The following TRIM67 variants were observed in gnomAD, a reference collection of about 807,000 sequenced individuals.
The protein encoded by TRIM67 is tripartite motif containing 67.
Under a neutral mutation model 71.0 loss-of-function variants are expected in TRIM67, and 39 were observed. The ratio of observed to expected loss-of-function variants is 0.55; its 90% confidence interval spans 0.43 to 0.72. TRIM67 has a LOEUF of 0.72. Ranked by LOEUF, TRIM67 falls within the 30% of genes least tolerant of loss-of-function variation. TRIM67 has a pLI of 0.00. For missense variants in TRIM67, 973 were observed against 1,079.2 expected (o/e 0.90, Z 1.38); for synonymous variants, 481 against 473.9 (o/e 1.01, Z -0.19).
intron 1 of TRIM67, among the ~76,000 whole-genome samples, chr1:231,181,929 G>A (rs1421516829): frequency 6.6e-6 from 1 of 152,188 alleles, no homozygotes; most frequent in African/African-American, 2.4e-5. Flanking sequence ...CATAAGCCTA[G>A]CACTTCTGGA....
chr1:231,213,986 C>T lies in TRIM67; in HGVS notation c.2286+9C>T. 1.9e-6 allele frequency: 3 copies of T among 1,603,106 alleles called. No individual in the cohort carries two copies. Among genetic ancestry groups the T allele is most frequent in the African/African-American group, 2.7e-5 (2 of 74,884 alleles). ...TCAACCGCAACGTGCAGGTACACAC[C>T]TCCCCAGGGCCGGACCTGGTCTGGC... On this transcript the variant is annotated intron_variant, in intron 9 of 9. Transcript: ENST00000366653.
At chr1:231,179,624 C>G (rs1273644616) in intron 1 of TRIM67, among the ~76,000 whole-genome samples, 2 of 152,186 alleles carry the variant, frequency 1.3e-5, no homozygotes, top group African/African-American at 4.8e-5. Flanking sequence ...CTCCCACAAG[C>G]TTAGCATTCC....
At chr1:231,177,058 C>T (rs1326365570) in intron 1 of TRIM67, among the ~76,000 whole-genome samples, 1 of 152,116 alleles carries the variant, frequency 6.6e-6, no homozygotes, top group African/African-American at 2.4e-5. Flanking sequence ...TATGGACTTA[C>T]TTTAAAAGAA....
At position 231,208,379 on chromosome 1, in the gene TRIM67, T is replaced by C. The variant is rs1571901919; in HGVS notation, c.1820-568T>C. On this transcript the variant is annotated intron_variant, in intron 7 of 9. Transcript: ENST00000366653. ...TTAGTAGAGACAGGGTTTCACTGTG[T>C]TAGCCAGGATGGTCTTGATCTCCTG... 2.0e-5 allele frequency among the ~76,000 whole-genome samples: 3 copies of C among 152,216 alleles called. No individual in the cohort carries two copies. The South Asian group carries it at 6.2e-4, about 32-fold the overall frequency.
At position 231,199,140 on chromosome 1, in the gene TRIM67, G is replaced by C. The variant is rs1683453152; in HGVS notation, c.1234G>C (p.Val412Leu). Reference sequence around the variant, plus strand: ...TCAGAAAGCCAAGCTGCTCACCAAGGTGACTAAAGAGAGGGAACACAAGTT... The same window carrying C: ...TCAGAAAGCCAAGCTGCTCACCAAGCTGACTAAAGAGAGGGAACACAAGTT... The part of the protein sequence containing the change: ...TRQKAKLLTK[V>L]TKEREHKLKM... Residue 412 changes from valine (V) to leucine (L), a missense_variant, in exon 3 of 10, where the codon GTG becomes CTG. Val to Leu is a conservative substitution (Grantham distance 32). Coordinates refer to ENST00000366653, the MANE Select transcript of TRIM67 (RefSeq NM_001004342.5). 1 of 1,613,884 alleles carries C rather than the reference G, an allele frequency of 6.2e-7. No individual in the cohort carries two copies. The highest frequency in any genetic ancestry group is 8.5e-7 in the Non-Finnish European group (1 of 1,179,900).
intron 3 of TRIM67, among the ~76,000 whole-genome samples, chr1:231,199,836 A>C (rs1683471706): frequency 6.6e-6 from 1 of 152,244 alleles, no homozygotes; most frequent in Non-Finnish European, 1.5e-5. Flanking sequence ...GTCGGAAGCC[A>C]GCCAAGAAGC....
intron 1 of TRIM67, among the ~76,000 whole-genome samples, chr1:231,192,241 G>A (rs1007797393): frequency 5.9e-5 from 9 of 151,698 alleles, no homozygotes; most frequent in African/African-American, 7.3e-5. Context: ...ACAGGGTCTC[G>A]CCCTGGGCTC....
intron 1 of TRIM67, chr1:231,184,812 T>G: frequency 1.7e-6 from 1 of 589,068 alleles, no homozygotes; most frequent in Non-Finnish European, 3.0e-6. Flanking sequence ...CACACCATCA[T>G]TAAACCTTGA....
intron 1 of TRIM67, chr1:231,185,042 C>T (rs564968391): frequency 1.3e-6 from 2 of 1,532,886 alleles, no homozygotes; most frequent in Non-Finnish European, 1.7e-6. Context: ...AGGGCCTAGG[C>T]TAGTGTGGAG....
chr1:231,201,588 C>T lies in TRIM67; in HGVS notation c.1534+71C>T, dbSNP rs1683525226. 15 of 1,530,994 alleles carry T rather than the reference C, an allele frequency of 9.8e-6. 1 individual carries two copies. Among genetic ancestry groups the T allele is most frequent in the Middle Eastern group, 2.1e-4 (1 of 4,860 alleles). 94.8% of individuals were successfully genotyped at this position (1,530,994 alleles called of 1,614,324 possible). A position where few individuals can be genotyped will look rare whatever the true frequency, so the allele number is the denominator to read the frequency against. On this transcript the variant is annotated intron_variant, in intron 5 of 9. Coordinates refer to ENST00000366653, the MANE Select transcript of TRIM67 (RefSeq NM_001004342.5). ...AGGCATGCAGTCTGAGGGGCCAGCT[C>T]GGTGCCATAGGGAGACCTGTGATGC...
intron 1 of TRIM67, chr1:231,184,368 C>CGG: frequency 6.6e-6 from 1 of 152,226 alleles, no homozygotes; most frequent in Non-Finnish European, 1.5e-5. Flanking sequence ...GCAGTTGATT[C>CGG]TGGCAGTGTG....
At position 231,219,690 on chromosome 1, in the gene TRIM67, C is replaced by T; in HGVS notation, c.*4250C>T. On this transcript the variant is annotated 3_prime_UTR_variant, in exon 10 of 10. Coordinates refer to ENST00000366653, the MANE Select transcript of TRIM67 (RefSeq NM_001004342.5). ...AGGAACTTCTTAATGGGTTTGTGGC[C>T]CTCAATTGGTTTTTAAAAAAATCTA... 1 of 1,182,732 alleles carries T rather than the reference C, an allele frequency of 8.5e-7. No individual in the cohort carries two copies. The highest frequency in any genetic ancestry group is 1.1e-6 in the Non-Finnish European group (1 of 939,866). The allele number at this position is 1,182,732 out of a possible 1,614,324, so 73.3% of individuals were successfully genotyped here.
At chr1:231,203,108 T>C (rs550971119) in intron 5 of TRIM67, among the ~76,000 whole-genome samples, 2 of 152,138 alleles carry the variant, frequency 1.3e-5, no homozygotes, top group Admixed American at 6.5e-5. Context: ...CAAATTGAAA[T>C]ATGTACTTTT....
At chr1:231,186,642 G>A (rs1683084169) in intron 1 of TRIM67, among the ~76,000 whole-genome samples, 1 of 152,112 alleles carries the variant, frequency 6.6e-6, no homozygotes, top group Non-Finnish European at 1.5e-5. Flanking sequence ...CAGTCCTGCT[G>A]GATTAGGGCC....
intron 1 of TRIM67, chr1:231,185,275 C>A (rs779387669): frequency 2.7e-6 from 4 of 1,472,668 alleles, no homozygotes; most frequent in South Asian, 1.2e-5. Flanking sequence ...TGGACCAGCT[C>A]TCCCTCCCAC....
intron 1 of TRIM67, among the ~76,000 whole-genome samples, chr1:231,183,319 C>A (rs866612969): frequency 6.6e-6 from 1 of 152,224 alleles, no homozygotes; most frequent in African/African-American, 2.4e-5. Context: ...GAAAAATAGG[C>A]CAGGCAGAGT....
chr1:231,172,235 T>G (rs34598108), intron 1 of TRIM67, among the ~76,000 whole-genome samples: 8,262 of 152,274 alleles, frequency 0.054, 720 homozygotes, highest in African/African-American at 0.18. Flanking sequence ...GGAGTAGTTA[T>G]GCATAGAAGA....
At chr1:231,168,639 A>G (rs557911370) in intron 1 of TRIM67, among the ~76,000 whole-genome samples, 1 of 152,312 alleles carries the variant, frequency 6.6e-6, no homozygotes, top group Admixed American at 6.5e-5. Flanking sequence ...ATTGTTTGCT[A>G]TTTTCATTAC....
At chr1:231,194,854 T>A (rs1203661652) in intron 1 of TRIM67, among the ~76,000 whole-genome samples, 1 of 152,134 alleles carries the variant, frequency 6.6e-6, no homozygotes, top group Non-Finnish European at 1.5e-5. Flanking sequence ...AGCTAATTTT[T>A]AAAATTTTTT....
Sources: gnomAD v4.1 joint callset for allele counts (sites outside exome capture counted in the v4.1 genomes callset) on GRCh38, gnomAD v4.1.1 for gene constraint, MANE v1.5 for transcripts, NCBI Gene and HGNC (gene_info 2026-07-23, HGNC 2026-07-21) for gene names.